Variants in FNDC3B observed in about 807,000 individuals in gnomAD.
FNDC3B encodes the protein fibronectin type III domain-containing protein 3B.
A neutral mutation model predicts 151.5 loss-of-function variants in FNDC3B; 12 were observed. That is an observed-to-expected ratio of 0.08 (90% CI 0.05 to 0.13). The LOEUF is 0.13. Ranked by LOEUF, FNDC3B falls within the 10% of genes least tolerant of loss-of-function variation. The probability of loss-of-function intolerance (pLI) is 1.00; values close to 1 mark genes in which losing one functional copy is unlikely to be tolerated. For synonymous variants in FNDC3B, 528 were observed against 549.0 expected, an observed-to-expected ratio of 0.96 and a Z score of 0.54; for missense variants, 1,214 against 1,505.3, an observed-to-expected ratio of 0.81 and a Z score of 3.20.
chr3:172,063,897 A>G (rs1717351973), intron 1 of FNDC3B, among the ~76,000 whole-genome samples: 1 of 152,054 alleles, frequency 6.6e-6, no homozygotes, highest in Admixed American at 6.5e-5. Flanking sequence ...CTAACCCCCA[A>G]GTTGATGGTG....
At chr3:172,186,334 A>AGCT (rs1560007749) in intron 3 of FNDC3B, among the ~76,000 whole-genome samples, 4 of 152,204 alleles carry the variant, frequency 2.6e-5, no homozygotes, top group African/African-American at 9.6e-5. Context: ...ATAAGAAAAG[A>AGCT]ACTCCCAATT....
intron 1 of FNDC3B, among the ~76,000 whole-genome samples, chr3:172,063,985 A>G (rs568286686): frequency 6.6e-6 from 1 of 152,318 alleles, no homozygotes; most frequent in South Asian, 2.1e-4. Context: ...CCCTTATAAA[A>G]GAAGCTTAAG....
intron 6 of FNDC3B, among the ~76,000 whole-genome samples, chr3:172,256,384 A>G (rs1397235658): frequency 6.6e-6 from 1 of 152,168 alleles, no homozygotes; most frequent in African/African-American, 2.4e-5. Flanking sequence ...CTCTCCCAGC[A>G]TTTCATTTTA....
At chr3:172,351,897 C>T (rs1733876210) in intron 21 of FNDC3B, among the ~76,000 whole-genome samples, 1 of 152,076 alleles carries the variant, frequency 6.6e-6, no homozygotes, top group Non-Finnish European at 1.5e-5. Context: ...TTTGAGATGC[C>T]TGTTGGACAT....
At chr3:172,391,286 C>G (rs1674984152) in intron 25 of FNDC3B, among the ~76,000 whole-genome samples, 1 of 152,152 alleles carries the variant, frequency 6.6e-6, no homozygotes, top group South Asian at 2.1e-4. Flanking sequence ...GAGCATTTTC[C>G]ACATCCATTT....
chr3:172,231,473 G>A (rs141585868), intron 4 of FNDC3B, among the ~76,000 whole-genome samples: 10 of 152,268 alleles, frequency 6.6e-5, no homozygotes, highest in African/African-American at 2.4e-4. Flanking sequence ...CAAAAGAAGG[G>A]GCAAGGGGAA....
chr3:172,126,692 G>A (rs754020388), intron 2 of FNDC3B, among the ~76,000 whole-genome samples: 3 of 152,172 alleles, frequency 2.0e-5, no homozygotes. Flanking sequence ...AAAGGTGGCC[G>A]AATTTAATTC....
intron 18 of FNDC3B, 78 bp downstream of exon 18, chr3:172,343,194 T>A: frequency 1.2e-6 from 1 of 805,906 alleles, no homozygotes; most frequent in Non-Finnish European, 2.2e-6. Context: ...TAGTTAAGTT[T>A]CAAAGCTTTC....
intron 3 of FNDC3B, among the ~76,000 whole-genome samples, chr3:172,215,438 C>T (rs185183856): frequency 6.2e-4 from 94 of 152,242 alleles, no homozygotes; most frequent in African/African-American, 1.9e-3. Context: ...TTAAAAGACT[C>T]GGAGGCTGGG....
chr3:172,249,054 G>T (rs1425282850), intron 5 of FNDC3B, among the ~76,000 whole-genome samples: 2 of 151,432 alleles, frequency 1.3e-5, no homozygotes, highest in African/African-American at 4.9e-5. Flanking sequence ...AAGTATTGGG[G>T]ATATACTATG....
intron 4 of FNDC3B, among the ~76,000 whole-genome samples, chr3:172,230,491 G>A (rs1351207467): frequency 2.0e-5 from 3 of 148,432 alleles, no homozygotes; most frequent in Non-Finnish European, 3.0e-5. Context: ...GTGACAGAGT[G>A]AGACTCTGTC....
chr3:172,261,041 T>C (rs1728621766), intron 6 of FNDC3B, among the ~76,000 whole-genome samples: 1 of 152,200 alleles, frequency 6.6e-6, no homozygotes, highest in Non-Finnish European at 1.5e-5. Context: ...TTAGTTAAGC[T>C]AGATGGATAA....
intron 6 of FNDC3B, among the ~76,000 whole-genome samples, chr3:172,253,318 T>A (rs1728176410): frequency 6.6e-6 from 1 of 152,204 alleles, no homozygotes; most frequent in African/African-American, 2.4e-5. Flanking sequence ...TATATTTTGT[T>A]TTCAGCCTCC....
intron 11 of FNDC3B, among the ~76,000 whole-genome samples, chr3:172,320,109 G>C (rs991172036): frequency 6.6e-6 from 1 of 152,234 alleles, no homozygotes; most frequent in Admixed American, 6.5e-5. Flanking sequence ...GCCGGGCTCA[G>C]TGGCTGACAC....
chr3:172,285,049 A>G (rs1201627143), intron 6 of FNDC3B, among the ~76,000 whole-genome samples: 1 of 151,544 alleles, frequency 6.6e-6, no homozygotes, highest in Admixed American at 6.6e-5. Context: ...TCCAAGCACT[A>G]TTCTTTCATT....
At chr3:172,092,254 T>C (rs893277205) in intron 1 of FNDC3B, among the ~76,000 whole-genome samples, 4 of 152,110 alleles carry the variant, frequency 2.6e-5, no homozygotes, top group African/African-American at 7.2e-5. Flanking sequence ...AGGAAGAGAT[T>C]CAAGCTAAAC....
intron 3 of FNDC3B, among the ~76,000 whole-genome samples, chr3:172,161,259 G>A (rs546624055): frequency 1.3e-5 from 2 of 152,266 alleles, no homozygotes; most frequent in South Asian, 2.1e-4. Context: ...TTATTTTCCA[G>A]TGTGGTTTGG....
Position 172,352,998 on chromosome 3 carries a change from A to T in FNDC3B, c.2710A>T (p.Thr904Ser). Residue 904 changes from threonine to serine, a missense_variant, in exon 22 of 26, where the codon ACC becomes TCC. Thr to Ser is a moderately conservative substitution (Grantham distance 58). Around this residue, in one of 7 missense-constraint regions of FNDC3B, gnomAD observed 284 missense variants for 392.4 expected, o/e 0.72. Transcript: ENST00000415807. The surrounding 1 kb of genome is among the most constrained non-coding windows in gnomAD (Gnocchi z 4.2). ...TAACGGATCTGAAATCCTTGCTTAC[A>T]CCATTGATCTAGGAGACACTAGCAT... ...CNNGSEILAY[T>S]IDLGDTSITV... 6.2e-7 allele frequency: 1 copy of T among 1,614,100 alleles called. No homozygotes were observed. The highest frequency in any genetic ancestry group is 8.5e-7 in the Non-Finnish European group (1 of 1,180,002).
rs780500422 is a variant in FNDC3B, at chr3:172,341,182, C to T, written c.1922C>T (p.Thr641Ile). 7 of 1,614,210 alleles carry T rather than the reference C, an allele frequency of 4.3e-6. 1 individual carries two copies. The South Asian group carries it at 6.6e-5, about 15-fold the overall frequency. Residue 641 changes from threonine (T) to isoleucine (I), a missense_variant, in exon 17 of 26, where the codon ACT (threonine) becomes ATT (isoleucine). Transcript: ENST00000415807. ...EYTFTHLKPG[T>I]LYKLRACCIS... The stretch of plus-strand genomic sequence containing the variant: ...ACCTTCACCCACTTGAAACCAGGCA[C>T]TTTGTACAAACTCCGAGCATGCTGC...
Sources: gnomAD v4.1 joint callset for allele counts (sites outside exome capture counted in the v4.1 genomes callset) on GRCh38, gnomAD v4.1.1 for gene constraint, gnomAD v4.1.1 regional missense constraint, Gnocchi (gnomAD v3.1) non-coding constraint, MANE v1.5 for transcripts, NCBI Gene and HGNC (gene_info 2026-07-23, HGNC 2026-07-21) for gene names.